Variants in DNAH17 observed in about 807,000 individuals in gnomAD.
DNAH17 encodes the protein axonemal beta dynein heavy chain 17.
A neutral mutation model predicts 485.6 loss-of-function variants in DNAH17; 376 were observed. The observed-to-expected ratio is 0.77, with a 90% CI of 0.71 to 0.84. DNAH17 has a LOEUF of 0.84. Ranked by LOEUF, DNAH17 falls within the 40% of genes least tolerant of loss-of-function variation. The pLI is 0.00. For synonymous variants in DNAH17, 3,031 were observed against 2,405.9 expected (o/e 1.26, Z -7.60); for missense variants, 6,370 against 5,839.3 (o/e 1.09, Z -2.96).
rs2087771577 is a variant in DNAH17 at position 78,455,841 on chromosome 17, A to T, written c.9978-5T>A. ...GATGCTAATCCCCCGACCAGCCTAA[A>T]GTGGGATGAGAGAGAATAAAACATA... On this transcript the variant is annotated splice_region_variant and splice_polypyrimidine_tract_variant and intron_variant, in intron 62 of 80. Transcript: ENST00000389840. The T allele has an allele frequency of 6.3e-7, 1 of 1,587,970 alleles. No homozygotes were observed. Among genetic ancestry groups the T allele is most frequent in the Non-Finnish European group, 8.6e-7 (1 of 1,166,376 alleles).
rs74001328 is a variant in DNAH17 at position 78,441,665 on chromosome 17, C to T, written c.11529-466G>A. 3.3e-3 allele frequency among the ~76,000 whole-genome samples: 504 copies of T among 152,334 alleles called. 1 individual carries two copies. The highest frequency in any genetic ancestry group is 0.012 in the African/African-American group (484 of 41,574). On this transcript the variant is annotated intron_variant, in intron 71 of 80. Coordinates refer to ENST00000389840, the MANE Select transcript of DNAH17 (RefSeq NM_173628.4). ...ATAAGTCTGGGGTCAGTCGGGGTCT[C>T]GGCTAATCCTCCCATGGAGGACCGA... is the stretch of plus-strand genomic sequence containing the variant.
At chr17:78,559,763 C>A (rs1488378798) in intron 13 of DNAH17, among the ~76,000 whole-genome samples, 4 of 152,130 alleles carry the variant, frequency 2.6e-5, no homozygotes, top group Admixed American at 2.6e-4. Context: ...GTCCATGGGG[C>A]CCTTCCTCGT....
chr17:78,443,222 C>T (rs1025596603), intron 71 of DNAH17, among the ~76,000 whole-genome samples: 2 of 152,208 alleles, frequency 1.3e-5, no homozygotes, highest in African/African-American at 2.4e-5. Context: ...ATCCTCTAGA[C>T]GAGGAATCGG....
Position 78,453,404 on chromosome 17 carries a change from C to T in DNAH17, c.10468G>A (p.Gly3490Ser), listed in dbSNP as rs115257318. 113 of 1,613,834 alleles carry T rather than the reference C, an allele frequency of 7.0e-5. No individual in the cohort carries two copies. The African/African-American group carries it at 1.4e-3, about 20-fold the overall frequency. Reference sequence around the variant, plus strand: ...TCCAGCACGGGGTCCACGGTTTCGCCGATGTTCTCAATGAGCAAGGTGTCC... The same window carrying T: ...TCCAGCACGGGGTCCACGGTTTCGCTGATGTTCTCAATGAGCAAGGTGTCC... ...EGDTLLIENI[G>S]ETVDPVLDPL... Residue 3490 changes from glycine (G) to serine (S), a missense_variant, in exon 65 of 81, where the codon GGC (glycine) becomes AGC (serine). Physicochemically the swap from Gly to Ser is moderately conservative, Grantham distance 56 (BLOSUM62 0). Transcript: ENST00000389840.
rs773608918 is a variant in DNAH17 at position 78,551,644 on chromosome 17, A to G, written c.2288-6T>C. ...TTGAATGTACTGAAACACACCTAAA[A>G]TGGAAATGTAGAGGAATCTTACAAA... is the stretch of plus-strand genomic sequence containing the variant. On this transcript the variant is annotated splice_polypyrimidine_tract_variant and splice_region_variant and intron_variant, in intron 15 of 80. Coordinates refer to ENST00000389840, the MANE Select transcript of DNAH17 (RefSeq NM_173628.4). 6.2e-7 allele frequency: 1 copy of G among 1,613,346 alleles called. No individual in the cohort carries two copies. Among genetic ancestry groups the G allele is most frequent in the East Asian group, 2.2e-5 (1 of 44,876 alleles).
intron 1 of DNAH17, among the ~76,000 whole-genome samples, 188 bp from the exon 2 acceptor site, chr17:78,575,270 G>A (rs1025466019): frequency 2.0e-5 from 3 of 152,206 alleles, no homozygotes; most frequent in Admixed American, 6.5e-5. Context: ...CACCTGCCCC[G>A]GCCCCGCCAT....
rs547953872 is a variant in DNAH17 at position 78,570,807 on chromosome 17, G to A, written c.918+141C>T. 798 of 605,952 alleles carry A rather than the reference G, an allele frequency of 1.3e-3. 6 individuals are homozygous for A. In the African/African-American group the frequency reaches 0.015, roughly 11 times the overall value. 37.5% of individuals were successfully genotyped at this position (605,952 alleles called of 1,614,324 possible). A position where few individuals can be genotyped will look rare whatever the true frequency, so the allele number is the denominator to read the frequency against. ...AGGGAGTTGGAGGTTGCAGTGAGCCGAGATCGCGCCACAGCACTCTAGCCT... is the reference window on the plus strand; with the variant it reads ...AGGGAGTTGGAGGTTGCAGTGAGCCAAGATCGCGCCACAGCACTCTAGCCT... On this transcript the variant is annotated intron_variant, in intron 6 of 80. Transcript: ENST00000389840.
At chr17:78,551,372 G>A (rs1031744653) in intron 16 of DNAH17, among the ~76,000 whole-genome samples, 163 bp downstream of exon 16, 1 of 152,172 alleles carries the variant, frequency 6.6e-6, no homozygotes, top group African/African-American at 2.4e-5. Context: ...TTCTGCCCTG[G>A]GACCACTCTG....
chr17:78,462,716 G>T, intron 57 of DNAH17, 128 bp downstream of exon 57: 1 of 833,510 alleles, frequency 1.2e-6, no homozygotes, highest in Non-Finnish European at 1.9e-6. Flanking sequence ...GGCAGGAAGC[G>T]TGCTCATCTT....
At position 78,507,532 on chromosome 17, in the gene DNAH17, T is replaced by A; in HGVS notation, c.4510A>T (p.Ile1504Phe). The change falls in exon 28 of 81, where the codon ATC becomes TTC. Residue 1504 changes from isoleucine (I) to phenylalanine (F), a missense_variant. Ile to Phe is a conservative substitution (Grantham distance 21). Transcript: ENST00000389840. ...RTWSHLESIF[I>F]GSEDIRTQLP... ...TGGGTGCGGATGTCTTCGGAGCCGATGAAGATGCTCTCCAGGTGGCTCCAG... is the reference window on the plus strand; with the variant it reads ...TGGGTGCGGATGTCTTCGGAGCCGAAGAAGATGCTCTCCAGGTGGCTCCAG... 4 of 1,614,034 alleles carry A rather than the reference T, an allele frequency of 2.5e-6. No homozygotes were observed. Among genetic ancestry groups the A allele is most frequent in the Non-Finnish European group, 2.5e-6 (3 of 1,179,894 alleles).
chr17:78,448,967 T>C (rs1227835524), intron 69 of DNAH17, among the ~76,000 whole-genome samples: 2 of 152,268 alleles, frequency 1.3e-5, no homozygotes, highest in Non-Finnish European at 1.5e-5. Context: ...TAAGACAGGC[T>C]GTTTAATCAA....
Position 78,425,417 on chromosome 17 carries a change from G to C in DNAH17, c.13070C>G (p.Thr4357Ser). ...GGTCATGTCCTCTCGGTTTTTCTTGGTCACCTCGACAGACAGACACATCTT... is the reference window on the plus strand; with the variant it reads ...GGTCATGTCCTCTCGGTTTTTCTTGCTCACCTCGACAGACAGACACATCTT... ...LDKMCLSVEV[T>S]KKNREDMTAP... The change falls in exon 80 of 81, where the codon ACC (threonine) becomes AGC (serine). Residue 4357 changes from threonine to serine, a missense_variant. Coordinates refer to ENST00000389840, the MANE Select transcript of DNAH17 (RefSeq NM_173628.4). 6.2e-7 allele frequency: 1 copy of C among 1,613,918 alleles called. No homozygotes were observed. Among genetic ancestry groups the C allele is most frequent in the South Asian group, 1.1e-5 (1 of 91,078 alleles).
chr17:78,452,504 G>A (rs534669767), intron 65 of DNAH17, among the ~76,000 whole-genome samples: 91 of 152,288 alleles, frequency 6.0e-4, no homozygotes, highest in Middle Eastern at 3.4e-3. Context: ...TGGGGAGGCC[G>A]AGGCAGGTGG....
At position 78,423,950 on chromosome 17, in the gene DNAH17, C is replaced by G. The variant is rs1480545950; in HGVS notation, c.13345G>C (p.Ala4449Pro). Residue 4449 changes from alanine (A) to proline (P), a missense_variant, in exon 81 of 81, where the codon GCG (alanine) becomes CCG (proline). Transcript: ENST00000389840. ...GCCACGGCTGCCAGGATCCACTTCGCTGCCTTCTCTTTGGTCTTCAAGTTA... is the reference window on the plus strand; with the variant it reads ...GCCACGGCTGCCAGGATCCACTTCGGTGCCTTCTCTTTGGTCTTCAAGTTA... Reference protein sequence around the residue: ...TFNLKTKEKAAKWILAAVALL... With the variant: ...TFNLKTKEKAPKWILAAVALL... 1.2e-6 allele frequency: 2 copies of G among 1,613,900 alleles called. No homozygotes were observed. The highest frequency in any genetic ancestry group is 1.7e-6 in the Non-Finnish European group (2 of 1,179,892).
At chr17:78,491,124 G>A (rs1421469019) in intron 43 of DNAH17, among the ~76,000 whole-genome samples, 1 of 152,228 alleles carries the variant, frequency 6.6e-6, no homozygotes, top group Non-Finnish European at 1.5e-5. Flanking sequence ...AAAGTATTGT[G>A]TTCCTTCCTG....
intron 31 of DNAH17, among the ~76,000 whole-genome samples, chr17:78,503,614 G>C (rs1382480739): frequency 1.3e-5 from 2 of 151,984 alleles, no homozygotes; most frequent in Admixed American, 6.6e-5. Context: ...AGCCTCTCAA[G>C]CAACTGGGAC....
At chr17:78,547,200 A>G (rs575952491) in intron 16 of DNAH17, among the ~76,000 whole-genome samples, 1 of 152,314 alleles carries the variant, frequency 6.6e-6, no homozygotes, top group East Asian at 1.9e-4. Flanking sequence ...TTGGTACTCT[A>G]GAATGTGGTT....
rs541357745 is a variant in DNAH17 at position 78,455,935 on chromosome 17, C to T, written c.9978-99G>A. 1.7e-3 allele frequency: 1,771 copies of T among 1,012,706 alleles called. 3 individuals carry two copies. The highest frequency in any genetic ancestry group is 2.3e-3 in the Non-Finnish European group (1,671 of 733,652). 62.7% of individuals were successfully genotyped at this position (1,012,706 alleles called of 1,614,324 possible). A position where few individuals can be genotyped will look rare whatever the true frequency, so the allele number is the denominator to read the frequency against. Reference sequence around the variant, plus strand: ...GCACCTCTGTGAATCTTCAGAGTTTCCCGTCTGCACCTGGCTCAGTGGCTC... The same window carrying T: ...GCACCTCTGTGAATCTTCAGAGTTTTCCGTCTGCACCTGGCTCAGTGGCTC... On this transcript the variant is annotated intron_variant, in intron 62 of 80. Coordinates refer to ENST00000389840, the MANE Select transcript of DNAH17 (RefSeq NM_173628.4).
At chr17:78,529,352 T>C in intron 22 of DNAH17, 120 bp downstream of exon 22, 2 of 982,414 alleles carry the variant, frequency 2.0e-6, no homozygotes, top group Non-Finnish European at 1.6e-6. Flanking sequence ...GGATCTGATG[T>C]CCAGAGAGGA....
Sources: allele counts gnomAD v4.1 joint callset (sites outside exome capture counted in the v4.1 genomes callset), GRCh38; gene constraint gnomAD v4.1.1; transcripts MANE v1.5; gene names NCBI Gene and HGNC (gene_info 2026-07-23, HGNC 2026-07-21).